Variants in TP63 observed in about 807,000 individuals in gnomAD.
The protein encoded by TP63 is tumor protein p63.
TP63 carries 17 observed loss-of-function variants against 82.8 expected under a neutral mutation model. The observed-to-expected ratio is 0.21, with a 90% CI of 0.14 to 0.31. The LOEUF is 0.31. Among genes scored for constraint, TP63 ranks in the 10% least tolerant of loss-of-function variants. TP63 has a pLI of 1.00. For missense variants in TP63, 648 were observed against 895.3 expected (o/e 0.72, Z 3.52); for synonymous variants, 330 against 321.7 (o/e 1.03, Z -0.28).
intron 4 of TP63, among the ~76,000 whole-genome samples, chr3:189,863,919 G>A (rs995650112): frequency 6.6e-6 from 1 of 152,144 alleles, no homozygotes; most frequent in Non-Finnish European, 1.5e-5. Flanking sequence ...GCTACTCGTG[G>A]TTTCATTCAT....
intron 1 of TP63, among the ~76,000 whole-genome samples, chr3:189,648,263 C>G (rs1375857065): frequency 6.8e-6 from 1 of 147,088 alleles, no homozygotes; most frequent in Non-Finnish European, 1.5e-5. Flanking sequence ...TTCCTAGTTT[C>G]TTATTTATGT....
At chr3:189,633,225 T>A (rs919752398) in intron 1 of TP63, among the ~76,000 whole-genome samples, 22 of 151,942 alleles carry the variant, frequency 1.4e-4, no homozygotes, top group Non-Finnish European at 2.6e-4. Flanking sequence ...TATTTTTGGT[T>A]TTTTTTTAAC....
chr3:189,689,098 CTTTTTCTTTTTTTTTTTTTT>C (rs1435147858), intron 1 of TP63, among the ~76,000 whole-genome samples: 5 of 85,140 alleles, frequency 5.9e-5, no homozygotes, highest in Non-Finnish European at 1.1e-4. Flanking sequence ...TCAAATCTAC[CTTTTTCTTTTTTTTTTTTTT>C]TTTTTTTTTT....
At chr3:189,862,655 C>T (rs185282540) in intron 4 of TP63, among the ~76,000 whole-genome samples, 8 of 152,210 alleles carry the variant, frequency 5.3e-5, no homozygotes, top group Admixed American at 2.0e-4. Flanking sequence ...AACGAAAACA[C>T]GAATGGATAT....
chr3:189,886,570 A>C lies in TP63; in HGVS notation c.1507+19A>C. The C allele has an allele frequency of 6.2e-7, 1 of 1,613,598 alleles. No individual in the cohort carries two copies. The highest frequency in any genetic ancestry group is 8.5e-7 in the Non-Finnish European group (1 of 1,179,920). ...GCCAACAGTAAGAGCATCTCCTTTT[A>C]GCTGTGGCTGAAGGATGAACAGGCT... is the stretch of plus-strand genomic sequence containing the variant. On this transcript the variant is annotated intron_variant, in intron 11 of 13. Transcript: ENST00000264731.
chr3:189,760,355 G>A (rs547333362), intron 3 of TP63, among the ~76,000 whole-genome samples: 4 of 152,188 alleles, frequency 2.6e-5, no homozygotes. Context: ...TACAATGGGG[G>A]TATAGGTATT....
intron 1 of TP63, among the ~76,000 whole-genome samples, chr3:189,689,201 C>T (rs1051559987): frequency 2.1e-5 from 3 of 145,242 alleles, no homozygotes; most frequent in African/African-American, 5.1e-5. Flanking sequence ...CTGCAACCTC[C>T]GTTTCCCAGG....
intron 1 of TP63, among the ~76,000 whole-genome samples, chr3:189,655,927 C>G (rs1713312786): frequency 6.6e-6 from 1 of 152,148 alleles, no homozygotes; most frequent in Non-Finnish European, 1.5e-5. Context: ...CATAACCCCA[C>G]AAATGACCTA....
chr3:189,818,046 G>A (rs1728386966), intron 4 of TP63, among the ~76,000 whole-genome samples: 2 of 151,632 alleles, frequency 1.3e-5, no homozygotes, highest in Non-Finnish European at 1.5e-5. Flanking sequence ...TTGATAATTT[G>A]GGCTTGAAAG....
chr3:189,783,289 A>C (rs1009095835), intron 3 of TP63, among the ~76,000 whole-genome samples: 1 of 152,012 alleles, frequency 6.6e-6, no homozygotes, highest in Non-Finnish European at 1.5e-5. Context: ...CATACTTAAC[A>C]AAATATATCT....
the TP63 span, among the ~76,000 whole-genome samples, chr3:189,597,519 T>G: frequency 6.6e-6 from 1 of 152,178 alleles, no homozygotes; most frequent in Non-Finnish European, 1.5e-5. Flanking sequence ...AAATTTAAAA[T>G]GACAAAATGT....
At chr3:189,599,580 G>A in the TP63 span, among the ~76,000 whole-genome samples, 1 of 152,194 alleles carries the variant, frequency 6.6e-6, no homozygotes, top group South Asian at 2.1e-4. Flanking sequence ...CAGGATAGTA[G>A]CAGTGACGGC....
chr3:189,842,230 G>A (rs1403672026), intron 4 of TP63, among the ~76,000 whole-genome samples: 1 of 152,122 alleles, frequency 6.6e-6, no homozygotes, highest in African/African-American at 2.4e-5. Flanking sequence ...TGGAGAGAGA[G>A]AGAGAGAGAG....
rs111673387 is a variant in TP63, at chr3:189,853,965, A to AT, written c.580-10260dup. ...GTGAGCAACTTGAGGATAAAGATCG[A>AT]TTTTTTTCTTTCAATTTATTTTATA... is the stretch of plus-strand genomic sequence containing the variant. On this transcript the variant is annotated intron_variant, in intron 4 of 13. Transcript: ENST00000264731. 9.7e-3 allele frequency among the ~76,000 whole-genome samples: 1,482 copies of AT among 152,144 alleles called. 21 individuals carry two copies. The highest frequency in any genetic ancestry group is 0.035 in the African/African-American group (1,437 of 41,512).
At chr3:189,626,406 A>G (rs114171266), upstream of TP63, among the ~76,000 whole-genome samples, 1 of 152,156 alleles carries the variant, frequency 6.6e-6, no homozygotes, top group African/African-American at 2.4e-5. Context: ...TCTCCTCACT[A>G]TAAATGCAGG....
chr3:189,768,118 C>T (rs939194011), intron 3 of TP63, among the ~76,000 whole-genome samples: 19 of 152,058 alleles, frequency 1.2e-4, no homozygotes, highest in Non-Finnish European at 2.6e-4. Context: ...AATAACTAAC[C>T]ATCTCTAGGT....
chr3:189,883,208 C>T (rs1720111333), intron 10 of TP63, among the ~76,000 whole-genome samples: 1 of 152,034 alleles, frequency 6.6e-6, no homozygotes, highest in African/African-American at 2.4e-5. Flanking sequence ...GGTTGTTCTT[C>T]AAGGCTTTCA....
chr3:189,743,656 A>C (rs1285762173), intron 3 of TP63, among the ~76,000 whole-genome samples: 1 of 152,224 alleles, frequency 6.6e-6, no homozygotes, highest in African/African-American at 2.4e-5. Context: ...TGGATTCATC[A>C]TAGGCACCTA....
intron 1 of TP63, among the ~76,000 whole-genome samples, chr3:189,703,854 T>C (rs374979944): frequency 6.6e-6 from 1 of 152,124 alleles, no homozygotes; most frequent in Non-Finnish European, 1.5e-5. Context: ...AAAACACAGT[T>C]CTCTACCACA....
Sources: gnomAD v4.1 joint callset for allele counts (sites outside exome capture counted in the v4.1 genomes callset) on GRCh38, gnomAD v4.1.1 for gene constraint, MANE v1.5 for transcripts, NCBI Gene and HGNC (gene_info 2026-07-23, HGNC 2026-07-21) for gene names.